The following TMPRSS11F variants were observed in gnomAD, a reference collection of about 807,000 sequenced individuals.
TMPRSS11F encodes transmembrane protease serine 11F.
In TMPRSS11F, 47 loss-of-function variants were observed where a neutral mutation model predicts 60.2. That is an observed-to-expected ratio of 0.78 (90% CI 0.62 to 1.00). TMPRSS11F has a LOEUF of 1.00. Among genes scored for constraint, TMPRSS11F ranks in the 50% least tolerant of loss-of-function variants. The pLI, the probability that TMPRSS11F is intolerant of heterozygous loss-of-function variation, is 0.00. For missense variants in TMPRSS11F, 519 were observed against 522.9 expected, an observed-to-expected ratio of 0.99 and a Z score of 0.07; for synonymous variants, 166 against 167.3, an observed-to-expected ratio of 0.99 and a Z score of 0.06.
chr4:68,063,436 G>A (rs1194800415), intron 8 of TMPRSS11F, among the ~76,000 whole-genome samples: 2 of 152,022 alleles, frequency 1.3e-5, no homozygotes, highest in Admixed American at 6.6e-5. Flanking sequence ...CAGTGCAATG[G>A]CGCAGTCTCG....
chr4:68,116,236 T>TC (rs1401321954), intron 1 of TMPRSS11F, among the ~76,000 whole-genome samples: 2 of 152,168 alleles, frequency 1.3e-5, no homozygotes, highest in Non-Finnish European at 2.9e-5. Flanking sequence ...TTTGTTTTTT[T>TC]CCCAAGGGAA....
chr4:68,128,374 C>A (rs1724754572), intron 1 of TMPRSS11F, among the ~76,000 whole-genome samples: 2 of 152,042 alleles, frequency 1.3e-5, no homozygotes, highest in Non-Finnish European at 2.9e-5. Flanking sequence ...ATTACATGTA[C>A]TGAAATAGTG....
At chr4:68,123,573 T>C (rs1162810544) in intron 1 of TMPRSS11F, among the ~76,000 whole-genome samples, 6 of 152,190 alleles carry the variant, frequency 3.9e-5, no homozygotes, top group African/African-American at 7.2e-5. Flanking sequence ...GCAGAAATCA[T>C]GGCCAAGTAC....
rs58731278 is a variant in TMPRSS11F, at chr4:68,099,190, T to C, written c.12-152A>G. The C allele has an allele frequency of 3.0e-3, 1,802 of 607,670 alleles. 31 individuals are homozygous for C. In the African/African-American group the frequency reaches 0.031, roughly 10 times the overall value. The allele number at this position is 607,670 out of a possible 1,614,324, so 37.6% of individuals were successfully genotyped here. On this transcript the variant is annotated intron_variant, in intron 1 of 9. Coordinates refer to ENST00000356291, the MANE Select transcript of TMPRSS11F (RefSeq NM_207407.2). ...AAAGAACAGTAGGTTTTAATTTGCA[T>C]ATCCTCCCCCGCAAAAACCCAATCA...
At chr4:68,107,752 C>T (rs1157353880) in intron 1 of TMPRSS11F, among the ~76,000 whole-genome samples, 1 of 152,138 alleles carries the variant, frequency 6.6e-6, no homozygotes, top group Non-Finnish European at 1.5e-5. Context: ...TCCTGGCCAA[C>T]ATGGTGAAAC....
At chr4:68,090,306 C>A (rs183778923) in intron 3 of TMPRSS11F, among the ~76,000 whole-genome samples, 1 of 152,052 alleles carries the variant, frequency 6.6e-6, no homozygotes, top group Admixed American at 6.6e-5. Context: ...GAGTTAGTTG[C>A]CTACTCTAAT....
At chr4:68,125,638 A>G (rs1203393097) in intron 1 of TMPRSS11F, among the ~76,000 whole-genome samples, 1 of 152,154 alleles carries the variant, frequency 6.6e-6, no homozygotes, top group Non-Finnish European at 1.5e-5. Flanking sequence ...CTTTCTTGCT[A>G]TTTGTCCCTA....
intron 3 of TMPRSS11F, among the ~76,000 whole-genome samples, chr4:68,078,389 TC>T (rs1202261564): frequency 6.6e-6 from 1 of 152,164 alleles, no homozygotes; most frequent in Non-Finnish European, 1.5e-5. Context: ...AGTTGAACAC[TC>T]CTTTATTTGG....
chr4:68,058,550 A>T (rs1219494889), intron 9 of TMPRSS11F, among the ~76,000 whole-genome samples: 1 of 152,254 alleles, frequency 6.6e-6, no homozygotes, highest in Non-Finnish European at 1.5e-5. Context: ...AATAAAATAG[A>T]TTAAAATATG....
At chr4:68,071,385 G>A (rs747883246) in intron 5 of TMPRSS11F, among the ~76,000 whole-genome samples, 1 of 152,130 alleles carries the variant, frequency 6.6e-6, no homozygotes, top group Non-Finnish European at 1.5e-5. Flanking sequence ...TGACTATTGG[G>A]AAGGGAGAAG....
chr4:68,087,841 G>T (rs1356177421), intron 3 of TMPRSS11F, among the ~76,000 whole-genome samples: 5 of 150,234 alleles, frequency 3.3e-5, no homozygotes, highest in African/African-American at 9.8e-5. Flanking sequence ...CTAGCATTAG[G>T]TATATCTCCC....
At chr4:68,060,387 G>A (rs1723139321) in intron 8 of TMPRSS11F, among the ~76,000 whole-genome samples, 1 of 150,448 alleles carries the variant, frequency 6.6e-6, no homozygotes, top group Non-Finnish European at 1.5e-5. Context: ...GTGATGGCGG[G>A]TGCCTGTAGT....
chr4:68,115,464 T>G (rs1475238382), intron 1 of TMPRSS11F, among the ~76,000 whole-genome samples: 1 of 152,024 alleles, frequency 6.6e-6, no homozygotes, highest in Non-Finnish European at 1.5e-5. Context: ...TGAGACTGAA[T>G]GCTTTCTTTT....
At chr4:68,065,715 A>G (rs13140398) in intron 7 of TMPRSS11F, among the ~76,000 whole-genome samples, 15,536 of 151,920 alleles carry the variant, frequency 0.1, 1,110 homozygotes, top group East Asian at 0.31. Flanking sequence ...TTGAAATTCT[A>G]TGGTTGAAGA....
At chr4:68,090,240 G>T (rs1476068884) in intron 3 of TMPRSS11F, among the ~76,000 whole-genome samples, 1 of 151,822 alleles carries the variant, frequency 6.6e-6, no homozygotes, top group Non-Finnish European at 1.5e-5. Context: ...AATCGAAAAC[G>T]ATAAAATCAA....
intron 3 of TMPRSS11F, chr4:68,080,914 T>C (rs1480833358): frequency 2.0e-5 from 3 of 152,224 alleles, no homozygotes; most frequent in South Asian, 2.1e-4. Context: ...AAGTTTTAGA[T>C]AAGGTTTTTA....
At chr4:68,111,497 T>A (rs1385868734) in intron 1 of TMPRSS11F, among the ~76,000 whole-genome samples, 1 of 152,178 alleles carries the variant, frequency 6.6e-6, no homozygotes, top group Non-Finnish European at 1.5e-5. Flanking sequence ...CCTAAATTTC[T>A]GGACTGTAGT....
intron 7 of TMPRSS11F, among the ~76,000 whole-genome samples, chr4:68,065,388 T>A (rs2109837064): frequency 6.6e-6 from 1 of 152,316 alleles, no homozygotes; most frequent in South Asian, 2.1e-4. Flanking sequence ...TTTGCAAACC[T>A]TCATGTATAC....
At chr4:68,123,966 A>G (rs1231556124) in intron 1 of TMPRSS11F, among the ~76,000 whole-genome samples, 1 of 152,160 alleles carries the variant, frequency 6.6e-6, no homozygotes, top group Non-Finnish European at 1.5e-5. Flanking sequence ...CATGCCTGTA[A>G]TCCTAGCACT....
Sources: gnomAD v4.1 joint callset for allele counts (sites outside exome capture counted in the v4.1 genomes callset) on GRCh38, gnomAD v4.1.1 for gene constraint, MANE v1.5 for transcripts, NCBI Gene and HGNC (gene_info 2026-07-23, HGNC 2026-07-21) for gene names.